The following NUCB2 variants were observed in gnomAD, a reference collection of about 807,000 sequenced individuals.
NUCB2 encodes nucleobindin 2.
A neutral mutation model predicts 57.9 loss-of-function variants in NUCB2; 48 were observed. The ratio of observed to expected loss-of-function variants is 0.83; its 90% confidence interval spans 0.66 to 1.05. NUCB2 has a LOEUF of 1.05. Among genes scored for constraint, NUCB2 ranks in the 50% least tolerant of loss-of-function variants. The pLI is 0.00. For missense variants in NUCB2, 442 were observed against 476.2 expected, an observed-to-expected ratio of 0.93 and a Z score of 0.67; for synonymous variants, 139 against 152.1, an observed-to-expected ratio of 0.91 and a Z score of 0.64.
In NUCB2 at chr11:17,317,627, G is replaced by C. The variant is rs377190828; in HGVS notation, c.1002+2152G>C. The C allele has an allele frequency of 2.3e-5, 9 of 397,374 alleles. No homozygotes were observed. In the East Asian group the frequency reaches 5.4e-4, roughly 24 times the overall value. The allele number at this position is 397,374 out of a possible 1,614,324, so 24.6% of individuals were successfully genotyped here. On this transcript the variant is annotated intron_variant, in intron 11 of 13. Coordinates refer to ENST00000529010, the MANE Select transcript of NUCB2 (RefSeq NM_005013.4). Reference sequence around the variant, plus strand: ...AATCAAGAGGACAGACTATTATGTTGTACAATGTCCCTTGAATACCACAGA... The same window carrying C: ...AATCAAGAGGACAGACTATTATGTTCTACAATGTCCCTTGAATACCACAGA...
intron 11 of NUCB2, among the ~76,000 whole-genome samples, chr11:17,322,176 G>A (rs1950113577): frequency 6.6e-6 from 1 of 152,136 alleles, no homozygotes; most frequent in East Asian, 1.9e-4. Context: ...CCAGGTCAAT[G>A]TTCTGGAGAG....
At chr11:17,308,184 T>C (rs917195729) in intron 5 of NUCB2, among the ~76,000 whole-genome samples, 2 of 152,190 alleles carry the variant, frequency 1.3e-5, no homozygotes, top group African/African-American at 4.8e-5. Context: ...CAGGATCAAC[T>C]TGTACCTACC....
chr11:17,279,577 A>C (rs187567190), intron 1 of NUCB2, among the ~76,000 whole-genome samples: 7 of 152,296 alleles, frequency 4.6e-5, no homozygotes, highest in African/African-American at 1.7e-4. Context: ...ATACACTGAA[A>C]TGAAAGTTAT....
intron 2 of NUCB2, among the ~76,000 whole-genome samples, chr11:17,337,693 G>C (rs1032554997): frequency 6.6e-6 from 1 of 151,920 alleles, no homozygotes; most frequent in Non-Finnish European, 1.5e-5. Flanking sequence ...GCCCAGGCTA[G>C]AGTGCAATGG....
intron 2 of NUCB2, among the ~76,000 whole-genome samples, chr11:17,284,877 T>TACTAAAAATA: frequency 6.6e-6 from 1 of 152,132 alleles, no homozygotes; most frequent in Non-Finnish European, 1.5e-5. Flanking sequence ...CTTACCTTCC[T>TACTAAAAATA]CACTAGATTG....
intron 2 of NUCB2, among the ~76,000 whole-genome samples, chr11:17,338,286 A>T (rs922129603): frequency 7.9e-5 from 12 of 152,152 alleles, no homozygotes; most frequent in African/African-American, 2.9e-4. Flanking sequence ...TATAATTTTC[A>T]CAGCAGAGCT....
intron 11 of NUCB2, among the ~76,000 whole-genome samples, chr11:17,323,563 A>G (rs1950293440): frequency 6.6e-6 from 1 of 152,166 alleles, no homozygotes; most frequent in Non-Finnish European, 1.5e-5. Context: ...TGGTTTTGGT[A>G]TCAGGGTAGT....
intron 4 of NUCB2, among the ~76,000 whole-genome samples, chr11:17,296,661 C>T (rs571876204): frequency 1.3e-5 from 2 of 152,124 alleles, no homozygotes; most frequent in Admixed American, 1.3e-4. Context: ...TACTGGGAGG[C>T]ATCCTAGACA....
chr11:17,287,425 A>G (rs1482712531), intron 2 of NUCB2, among the ~76,000 whole-genome samples: 1 of 152,026 alleles, frequency 6.6e-6, no homozygotes, highest in East Asian at 1.9e-4. Context: ...TAATCTCGGC[A>G]CTTTGGGAGG....
At chr11:17,323,338 A>G (rs1950261511) in intron 11 of NUCB2, among the ~76,000 whole-genome samples, 1 of 152,092 alleles carries the variant, frequency 6.6e-6, no homozygotes, top group Non-Finnish European at 1.5e-5. Context: ...TGAAATGATC[A>G]TATGGTTTTT....
intron 5 of NUCB2, among the ~76,000 whole-genome samples, chr11:17,309,028 A>G (rs1464962087): frequency 6.6e-6 from 1 of 152,160 alleles, no homozygotes; most frequent in Non-Finnish European, 1.5e-5. Context: ...TAAAATATGC[A>G]TAAGGCCAGG....
At chr11:17,313,872 C>G (rs1035079956) in intron 10 of NUCB2, among the ~76,000 whole-genome samples, 1 of 152,080 alleles carries the variant, frequency 6.6e-6, no homozygotes. Flanking sequence ...GCTTCGTTCT[C>G]TCCTTAAGTG....
chr11:17,289,056 AG>A (rs1216710670), intron 2 of NUCB2, among the ~76,000 whole-genome samples: 2 of 150,224 alleles, frequency 1.3e-5, no homozygotes, highest in Non-Finnish European at 3.0e-5. Context: ...TCCCAGGTTC[AG>A]GAGATTCTCC....
intron 2 of NUCB2, among the ~76,000 whole-genome samples, chr11:17,346,834 T>A (rs7484027): frequency 0.47 from 71,475 of 151,992 alleles, 17,108 homozygotes; most frequent in Admixed American, 0.53. Flanking sequence ...CTACTATAAA[T>A]TTTTTCTGCG....
chr11:17,325,227 A>G (rs1420564109), intron 11 of NUCB2, among the ~76,000 whole-genome samples: 1 of 152,004 alleles, frequency 6.6e-6, no homozygotes, highest in Non-Finnish European at 1.5e-5. Context: ...GATTATGTCC[A>G]ATGTTACTTT....
chr11:17,346,305 C>CA lies in NUCB2; in HGVS notation n.2627-3034dup, dbSNP rs1015524731. Reference sequence around the variant, plus strand: ...GCATATTGGAATCACCTAAGAGATACAAAAAATACTGGTACCTGGGTCCCA... The same window carrying CA: ...GCATATTGGAATCACCTAAGAGATACAAAAAAATACTGGTACCTGGGTCCCA... On this transcript the variant is annotated intron_variant and non_coding_transcript_variant, in intron 2 of 2. Transcript: ENST00000532240. 3.9e-4 allele frequency among the ~76,000 whole-genome samples: 60 copies of CA among 152,172 alleles called. 1 individual carries two copies. The highest frequency in any genetic ancestry group is 3.4e-3 in the Middle Eastern group (1 of 294).
intron 11 of NUCB2, among the ~76,000 whole-genome samples, chr11:17,327,358 G>A (rs542857564): frequency 1.1e-4 from 16 of 152,250 alleles, no homozygotes; most frequent in African/African-American, 3.1e-4. Context: ...ACTACGCCTC[G>A]CCAGGATCCT....
chr11:17,295,308 T>TA lies in NUCB2; in HGVS notation c.1-15dup, dbSNP rs1945651145. 2 of 1,598,538 alleles carry TA rather than the reference T, an allele frequency of 1.3e-6. No individual in the cohort carries two copies. The highest frequency in any genetic ancestry group is 1.7e-4 in the Middle Eastern group (1 of 6,020). On this transcript the variant is annotated splice_polypyrimidine_tract_variant and intron_variant, in intron 2 of 13. Transcript: ENST00000529010. ...ACATTATTCATGACTTTACCATAAT[T>TA]ACTCCTTTATTTCAGATGAGGTGGA...
At chr11:17,282,259 T>TCTATCTATCTATA (rs1555062027) in intron 1 of NUCB2, among the ~76,000 whole-genome samples, 1 of 73,038 alleles carries the variant, frequency 1.4e-5, no homozygotes, top group Non-Finnish European at 2.4e-5. Flanking sequence ...TATATATATA[T>TCTATCTATCTATA]TTTTTTTTTT....
Sources: gnomAD v4.1 joint callset for allele counts (sites outside exome capture counted in the v4.1 genomes callset) on GRCh38, gnomAD v4.1.1 for gene constraint, MANE v1.5 for transcripts, NCBI Gene and HGNC (gene_info 2026-07-23, HGNC 2026-07-21) for gene names.